AACS: variants seen among roughly 807,000 people sequenced by gnomAD.
The protein encoded by AACS is acetoacetate-CoA ligase.
In AACS, 69 loss-of-function variants were observed where a neutral mutation model predicts 83.1. The ratio of observed to expected loss-of-function variants is 0.83; its 90% CI spans 0.68 to 1.01. The LOEUF (loss-of-function observed/expected upper bound fraction) is 1.01. Ranked by LOEUF, AACS falls within the 50% of genes least tolerant of loss-of-function variation. The pLI is 0.00. For synonymous variants in AACS, 333 were observed against 343.4 expected (o/e 0.97, Z 0.33); for missense variants, 866 against 882.2 (o/e 0.98, Z 0.23).
At chr12:125,124,663 C>T in intron 10 of AACS, 42 bp from the exon 11 acceptor site, 1 of 1,609,526 alleles carries the variant, frequency 6.2e-7, no homozygotes, top group Non-Finnish European at 8.5e-7. Context: ...GTGCAAGAGC[C>T]TTGAAGAGTT....
intron 16 of AACS, among the ~76,000 whole-genome samples, chr12:125,135,585 C>T (rs1452164280): frequency 1.3e-5 from 2 of 152,166 alleles, no homozygotes; most frequent in African/African-American, 2.4e-5. Context: ...CAGCCCAGGC[C>T]GCAGAGTTGG....
In AACS at chr12:125,078,689, T is replaced by C. The variant is rs111595556; in HGVS notation, c.358+2078T>C. On this transcript the variant is annotated intron_variant, in intron 3 of 17. Coordinates refer to ENST00000316519, the MANE Select transcript of AACS (RefSeq NM_023928.5). ...ACAAAAAATTAGCCAGGCGTGGTGG[T>C]GGGTGCCCATAATCCCAGCTACTCT... Among the ~76,000 whole-genome samples the C allele has an allele frequency of 4.5e-3, 688 of 151,938 alleles. 10 individuals carry two copies. The highest frequency in any genetic ancestry group is 0.016 in the African/African-American group (667 of 41,464).
At chr12:125,108,349 C>T (rs1592981365) in intron 8 of AACS, among the ~76,000 whole-genome samples, 2 of 152,166 alleles carry the variant, frequency 1.3e-5, no homozygotes, top group South Asian at 2.1e-4. Flanking sequence ...TGATCTTTCA[C>T]GTGACACCGC....
intron 8 of AACS, among the ~76,000 whole-genome samples, chr12:125,108,409 A>G (rs1956879442): frequency 6.6e-6 from 1 of 152,092 alleles, no homozygotes; most frequent in East Asian, 1.9e-4. Flanking sequence ...CCCCAGTCAG[A>G]TCGGATCTGG....
chr12:125,104,621 G>A (rs1956792936), intron 7 of AACS, among the ~76,000 whole-genome samples: 1 of 152,204 alleles, frequency 6.6e-6, no homozygotes, highest in African/African-American at 2.4e-5. Context: ...GGACAGCTGT[G>A]TGTGCAGGGC....
Position 125,125,000 on chromosome 12 carries a change from A to C in AACS, c.1285A>C (p.Ser429Arg). The change falls in exon 12 of 18, where the codon AGC (serine) becomes CGC (arginine). Residue 429 changes from serine to arginine, a missense_variant. Ser to Arg is a moderately radical substitution (Grantham distance 110). Transcript: ENST00000316519. ...GTATGTCTACAGGTGCATCAAGAGC[A>C]GCATCCTCCTGGGCTCCATCTCAGG... ...YEYVYRCIKSSILLGSISGGT... is the reference protein window; with the variant it reads ...YEYVYRCIKSRILLGSISGGT... 1 of 1,614,220 alleles carries C rather than the reference A, an allele frequency of 6.2e-7. No homozygotes were observed.
chr12:125,065,639 T>A lies in AACS; in HGVS notation c.55T>A (p.Trp19Arg). 6.5e-7 allele frequency: 1 copy of A among 1,545,230 alleles called. No individual in the cohort carries two copies. Residue 19 changes from tryptophan (W) to arginine (R), a missense_variant, in exon 1 of 18, where the codon TGG (tryptophan) becomes AGG (arginine). Physicochemically the swap from Trp to Arg is moderately radical, Grantham distance 101. Transcript: ENST00000316519. ...GGAGATCCTGGAGTGCCAGGTGATGTGGGAGCCTGACAGTAAGAAGAACAC... is the reference window on the plus strand; with the variant it reads ...GGAGATCCTGGAGTGCCAGGTGATGAGGGAGCCTGACAGTAAGAAGAACAC... ...REEILECQVM[W>R]EPDSKKNTQM...
chr12:125,081,050 T>A (rs1276539480), intron 3 of AACS, among the ~76,000 whole-genome samples: 1 of 152,100 alleles, frequency 6.6e-6, no homozygotes, highest in Non-Finnish European at 1.5e-5. Flanking sequence ...TGGAGTGCAG[T>A]GTCGTGATCA....
intron 10 of AACS, chr12:125,122,907 C>T (rs1424767150): frequency 6.6e-6 from 1 of 152,216 alleles, no homozygotes; most frequent in Non-Finnish European, 1.5e-5. Context: ...AGAAATAAGA[C>T]GTGGCATGAG....
At position 125,124,712 on chromosome 12, in the gene AACS, G is replaced by C; in HGVS notation, c.1129G>C (p.Val377Leu). 1 of 1,614,038 alleles carries C rather than the reference G, an allele frequency of 6.2e-7. No individual in the cohort carries two copies. Among genetic ancestry groups the C allele is most frequent in the Non-Finnish European group, 8.5e-7 (1 of 1,180,030 alleles). The change falls in exon 11 of 18, where the codon GTC becomes CTC. Residue 377 changes from valine (V) to leucine (L), a missense_variant. Coordinates refer to ENST00000316519, the MANE Select transcript of AACS (RefSeq NM_023928.5). ...TTCCCGCCTGCACCCTAGCATCACT[G>C]TCCTGGTAACTGGGGCCAAGTGGCT... The part of the protein sequence containing the change: ...WDLVDRIGIT[V>L]LVTGAKWLSV...
Position 125,129,142 on chromosome 12 carries a change from CAG to C in AACS, c.1424-192_1424-191del. On this transcript the variant is annotated intron_variant, in intron 13 of 17. Transcript: ENST00000316519. The surrounding 1 kb of genome is among the most constrained non-coding windows in gnomAD (Gnocchi z 4.3). The stretch of plus-strand genomic sequence containing the variant: ...CGAGACAGCGATTTTGGGGAGCACA[CAG>C]GGAGGGGACTTCATCTGGGAGGAAC... 1.5e-6 allele frequency: 1 copy of C among 657,250 alleles called. No homozygotes were observed. The highest frequency in any genetic ancestry group is 2.3e-6 in the Non-Finnish European group (1 of 430,758). 40.7% of individuals were successfully genotyped at this position (657,250 alleles called of 1,614,324 possible). A position where few individuals can be genotyped will look rare whatever the true frequency, so the allele number is the denominator to read the frequency against.
intron 3 of AACS, among the ~76,000 whole-genome samples, chr12:125,080,183 A>C (rs1460273935): frequency 1.3e-5 from 2 of 152,148 alleles, no homozygotes; most frequent in African/African-American, 4.8e-5. Flanking sequence ...CCTCTTTCGT[A>C]ATCCTGAGAA....
intron 3 of AACS, among the ~76,000 whole-genome samples, chr12:125,077,372 T>C (rs2136044506): frequency 6.6e-6 from 1 of 151,934 alleles, no homozygotes; most frequent in East Asian, 1.9e-4. Context: ...TAGCCAGGCG[T>C]GGTGGCGGGC....
chr12:125,076,381 T>C lies in AACS; in HGVS notation c.238-110T>C, dbSNP rs1339844028. The C allele has an allele frequency of 1.0e-5, 15 of 1,473,648 alleles. No homozygotes were observed. In the Admixed American group the frequency reaches 2.1e-4, roughly 21 times the overall value. 91.3% of individuals were successfully genotyped at this position (1,473,648 alleles called of 1,614,324 possible). ...GCTCTGGGCCAATGAGTGAGCTGGCTTCCTGGGAAGAAGAACCACTTTTGC... is the reference window on the plus strand; with the variant it reads ...GCTCTGGGCCAATGAGTGAGCTGGCCTCCTGGGAAGAAGAACCACTTTTGC... On this transcript the variant is annotated intron_variant, in intron 2 of 17. Transcript: ENST00000316519.
At position 125,081,338 on chromosome 12, in the gene AACS, G is replaced by A. The variant is rs148963490; in HGVS notation, c.358+4727G>A. Among the ~76,000 whole-genome samples the A allele has an allele frequency of 4.6e-5, 7 of 152,328 alleles. No individual in the cohort carries two copies. In the East Asian group the frequency reaches 1.2e-3, roughly 25 times the overall value. ...GCTTTATCCCTTCCTTATAATTGCA[G>A]TGGGAATAAGGACCCTTATGCCAGT... On this transcript the variant is annotated intron_variant, in intron 3 of 17. Coordinates refer to ENST00000316519, the MANE Select transcript of AACS (RefSeq NM_023928.5).
intron 8 of AACS, among the ~76,000 whole-genome samples, chr12:125,110,772 G>A (rs1338784599): frequency 6.6e-6 from 1 of 152,174 alleles, no homozygotes; most frequent in Non-Finnish European, 1.5e-5. Flanking sequence ...CCTTATTCTA[G>A]CTCACTTAGC....
At chr12:125,136,912 A>G (rs777372373) in intron 17 of AACS, 48 bp downstream of exon 17, 2 of 1,591,742 alleles carry the variant, frequency 1.3e-6, no homozygotes, top group Non-Finnish European at 1.7e-6. Context: ...TCGCCCCACG[A>G]GCCCACACAT....
chr12:125,133,855 C>G (rs1387852012), intron 14 of AACS, 148 bp from the exon 15 acceptor site: 1 of 737,834 alleles, frequency 1.4e-6, no homozygotes, highest in African/African-American at 1.8e-5. Flanking sequence ...GGGGCAGGAA[C>G]TGTCTGGCTC....
At chr12:125,133,136 A>G (rs962193771) in intron 14 of AACS, among the ~76,000 whole-genome samples, 2 of 152,208 alleles carry the variant, frequency 1.3e-5, no homozygotes, top group African/African-American at 2.4e-5. Flanking sequence ...ACGGCCAGCC[A>G]GTTCCCCTCA....
Sources: gnomAD v4.1 joint callset for allele counts (sites outside exome capture counted in the v4.1 genomes callset) on GRCh38, gnomAD v4.1.1 for gene constraint, Gnocchi (gnomAD v3.1) non-coding constraint, MANE v1.5 for transcripts, NCBI Gene and HGNC (gene_info 2026-07-23, HGNC 2026-07-21) for gene names.